The following BAAT variants were observed in gnomAD, a reference collection of about 807,000 sequenced individuals.
BAAT encodes the protein bile acid CoA: amino acid N-acyltransferase (glycine N-choloyltransferase).
In BAAT, 13 loss-of-function variants were observed where a neutral mutation model predicts 18.9. That is an observed-to-expected ratio of 0.69 (90% CI 0.45 to 1.10). The LOEUF (loss-of-function observed/expected upper bound fraction) is 1.10. Ranked by LOEUF, BAAT falls within the 50% of genes least tolerant of loss-of-function variation. The pLI, the probability that BAAT is intolerant of heterozygous loss-of-function variation, is 0.00. For missense variants in BAAT, 489 were observed against 504.0 expected, an observed-to-expected ratio of 0.97 and a Z score of 0.28; for synonymous variants, 170 against 190.7, an observed-to-expected ratio of 0.89 and a Z score of 0.89.
Position 101,362,612 on chromosome 9 carries a change from G to A in BAAT, c.1073C>T (p.Pro358Leu), listed in dbSNP as rs1829749247. 2.5e-6 allele frequency: 4 copies of A among 1,614,028 alleles called. No homozygotes were observed. Among genetic ancestry groups the A allele is most frequent in the Non-Finnish European group, 3.4e-6 (4 of 1,180,028 alleles). The stretch of plus-strand genomic sequence containing the variant: ...AGGTTCTATCAGGTGGCCTGCCCCA[G>A]GGTAAGATAGCAGGGTCCAGTTGTT... ...GKNNWTLLSY[P>L]GAGHLIEPPY... The change falls in exon 4 of 4, where the codon CCT (proline) becomes CTT (leucine). Residue 358 changes from proline to leucine, a missense_variant. By Grantham distance (98) the Pro-to-Leu change is moderately conservative. Transcript: ENST00000259407.
At chr9:101,375,981 C>A (rs1225008640) in intron 1 of BAAT, 2 of 152,626 alleles carry the variant, frequency 1.3e-5, no homozygotes, top group Non-Finnish European at 2.9e-5. Context: ...TTGATGAGTT[C>A]TCTTTCCGAC....
rs1829764771 is a variant in BAAT, at chr9:101,362,968, C to T, written c.717G>A (p.Gln239=). 3 of 1,613,946 alleles carry T rather than the reference C, an allele frequency of 1.9e-6. No individual in the cohort carries two copies. The highest frequency in any genetic ancestry group is 1.6e-4 in the Middle Eastern group (1 of 6,080). Residue 239 remains glutamine, a synonymous_variant, in exon 4 of 4, where the codon CAG becomes CAA. Transcript: ENST00000259407. The part of the protein sequence containing the change: ...VGVVSVCQGV[Q]IGLSMAIYLK... ...GGTAAATAGCCATAGATAGTCCAAT[C>T]TGTACTCCTTGACATACAGAGACTA...
rs776895987 is a variant in BAAT at position 101,363,005 on chromosome 9, G to C, written c.680C>G (p.Ser227Ter). The stretch of plus-strand genomic sequence containing the variant: ...ACATACAGAGACTACCCCAACGCCT[G>C]AGCCAAAGACCTGAAAAAAATAATA... ...FLLRHPKVFG[S>*]GVGVVSVCQG... Residue 227 changes from serine to a stop codon, truncating the protein, a stop_gained, in exon 4 of 4, where the codon TCA becomes TGA. Transcript: ENST00000259407. LOFTEE classifies it low-confidence loss of function (END_TRUNC). 5 of 1,613,626 alleles carry C rather than the reference G, an allele frequency of 3.1e-6. No homozygotes were observed. In the South Asian group the frequency reaches 3.3e-5, roughly 11 times the overall value.
At chr9:101,383,637 T>C (rs1022473443) in intron 1 of BAAT, 1 of 152,194 alleles carries the variant, frequency 6.6e-6, no homozygotes, top group Non-Finnish European at 1.5e-5. Flanking sequence ...TTCCTATTAA[T>C]TTTTAACAGT....
chr9:101,382,232 C>G (rs1301813724), intron 1 of BAAT, among the ~76,000 whole-genome samples: 2 of 152,120 alleles, frequency 1.3e-5, no homozygotes, highest in African/African-American at 4.8e-5. Context: ...GATAAAAACA[C>G]CTGAAATTGA....
At chr9:101,368,448 A>G (rs1045933993) in intron 2 of BAAT, 126 bp from the exon 3 acceptor site, 1 of 901,792 alleles carries the variant, frequency 1.1e-6, no homozygotes, top group African/African-American at 1.7e-5. Context: ...ATAAAAGATA[A>G]TAAAAACATG....
Position 101,362,933 on chromosome 9 carries a change from A to G in BAAT, c.752T>C (p.Val251Ala), listed in dbSNP as rs1564053548. 6.2e-7 allele frequency: 1 copy of G among 1,614,034 alleles called. No homozygotes were observed. Among genetic ancestry groups the G allele is most frequent in the Non-Finnish European group, 8.5e-7 (1 of 1,179,958 alleles). ...CCCATTAATAAGTACCGTGGCTGTG[A>G]CTTGCTTTAGGTAAATAGCCATAGA... ...GLSMAIYLKQVTATVLINGTN... is the reference protein window; with the variant it reads ...GLSMAIYLKQATATVLINGTN... The change falls in exon 4 of 4, where the codon GTC (valine) becomes GCC (alanine). Residue 251 changes from valine to alanine, a missense_variant. Transcript: ENST00000259407.
chr9:101,375,536 G>A (rs10819923), intron 1 of BAAT: 95,905 of 159,254 alleles, frequency 0.6, 30,411 homozygotes, highest in Non-Finnish European at 0.7. Flanking sequence ...TGAAGATACA[G>A]CAGTATGAAT....
intron 3 of BAAT, among the ~76,000 whole-genome samples, chr9:101,366,161 A>C (rs1829822893): frequency 6.6e-6 from 1 of 152,078 alleles, no homozygotes; most frequent in Admixed American, 6.6e-5. Context: ...AATATATAAG[A>C]TAGAGAGCGA....
intron 3 of BAAT, among the ~76,000 whole-genome samples, chr9:101,367,195 A>G (rs1829845698): frequency 1.3e-5 from 2 of 152,114 alleles, no homozygotes; most frequent in South Asian, 2.1e-4. Flanking sequence ...ACTCTATCCC[A>G]TATCATAGTA....
At position 101,362,911 on chromosome 9, in the gene BAAT, A is replaced by G. The variant is rs201129610; in HGVS notation, c.774T>C (p.Asn258=). Residue 258 remains asparagine, a synonymous_variant, in exon 4 of 4, where the codon AAT becomes AAC. Transcript: ENST00000259407. ...GAATGCCAAAAGGAAAGTTGGTCCC[A>G]TTAATAAGTACCGTGGCTGTGACTT... ...LKQVTATVLI[N]GTNFPFGIPQ... 78 of 1,614,040 alleles carry G rather than the reference A, an allele frequency of 4.8e-5. No homozygotes were observed. Among genetic ancestry groups the G allele is most frequent in the Admixed American group, 3.3e-5 (2 of 59,998 alleles).
intron 3 of BAAT, among the ~76,000 whole-genome samples, chr9:101,366,504 TC>T (rs1367266998): frequency 1.3e-5 from 2 of 152,144 alleles, no homozygotes; most frequent in Admixed American, 1.3e-4. Flanking sequence ...AAATCTGGTT[TC>T]CAGGCCTGGA....
chr9:101,366,592 C>T (rs529061567), intron 3 of BAAT, among the ~76,000 whole-genome samples: 13 of 152,114 alleles, frequency 8.5e-5, no homozygotes, highest in Admixed American at 7.2e-4. Context: ...ATAAGGGGAA[C>T]GAGGCAAAGA....
chr9:101,362,706 C>T lies in BAAT; in HGVS notation c.979G>A (p.Gly327Ser), dbSNP rs1307200930. The T allele has an allele frequency of 1.2e-6, 2 of 1,614,158 alleles. No individual in the cohort carries two copies. Among genetic ancestry groups the T allele is most frequent in the African/African-American group, 1.3e-5 (1 of 75,020 alleles). Residue 327 changes from glycine (G) to serine (S), a missense_variant, in exon 4 of 4, where the codon GGT becomes AGT. Transcript: ENST00000259407. ...QGQFLFIVGEGDKTINSKAHA... is the reference protein window; with the variant it reads ...QGQFLFIVGESDKTINSKAHA... ...GCTTTGCTGTTGATAGTCTTATCAC[C>T]TTCTCCTACAATGAAGAGGAATTGC...
chr9:101,371,499 G>A (rs1288647747), intron 1 of BAAT, 36 bp from the exon 2 acceptor site: 9 of 1,239,842 alleles, frequency 7.3e-6, no homozygotes, highest in Non-Finnish European at 1.0e-5. Context: ...GTAAAATAAA[G>A]TAGAGATAAG....
intron 3 of BAAT, among the ~76,000 whole-genome samples, chr9:101,366,922 C>T (rs1829839191): frequency 6.6e-6 from 1 of 151,136 alleles, no homozygotes. Context: ...GACCAGCTTT[C>T]CCAATATGGC....
chr9:101,371,521 G>A, intron 1 of BAAT, 58 bp from the exon 2 acceptor site: 2 of 1,085,278 alleles, frequency 1.8e-6, no homozygotes, highest in Non-Finnish European at 2.7e-6. Context: ...GTTGATGAAA[G>A]GTGAATTGAA....
At chr9:101,373,620 A>G (rs1436662087) in intron 1 of BAAT, among the ~76,000 whole-genome samples, 1 of 152,258 alleles carries the variant, frequency 6.6e-6, no homozygotes, top group African/African-American at 2.4e-5. Context: ...ACTCCAGAGA[A>G]ACTATCACCT....
Position 101,368,259 on chromosome 9 carries a change from C to T in BAAT, c.530G>A (p.Arg177Gln), listed in dbSNP as rs531237772. 6.8e-6 allele frequency: 11 copies of T among 1,613,534 alleles called. No homozygotes were observed. The highest frequency in any genetic ancestry group is 1.8e-4 in the Middle Eastern group (1 of 5,714). Residue 177 changes from arginine to glutamine, a missense_variant, in exon 3 of 4, where the codon CGG becomes CAG. Transcript: ENST00000259407. The stretch of plus-strand genomic sequence containing the variant: ...GCCACGACTGGCTAGGAGGCTGGCC[C>T]GAAATTCAAGCAGCCCACCCAAACC... Reference protein sequence around the residue: ...FGGLGGLLEFRASLLASRGFA... With the variant: ...FGGLGGLLEFQASLLASRGFA...
Sources: gnomAD v4.1 joint callset for allele counts (sites outside exome capture counted in the v4.1 genomes callset) on GRCh38, gnomAD v4.1.1 for gene constraint, MANE v1.5 for transcripts, NCBI Gene and HGNC (gene_info 2026-07-23, HGNC 2026-07-21) for gene names.